Variants in TMEFF2 observed in about 807,000 individuals in gnomAD.
TMEFF2 encodes the protein transmembrane protein with EGF like and two follistatin like domains 2.
Under a neutral mutation model 53.8 loss-of-function variants are expected in TMEFF2, and 28 were observed. The observed-to-expected ratio is 0.52, with a 90% CI of 0.39 to 0.71. The LOEUF (loss-of-function observed/expected upper bound fraction) is 0.71. Among genes scored for constraint, TMEFF2 ranks in the 30% least tolerant of loss-of-function variants. The pLI is 0.00. For missense variants in TMEFF2, 353 were observed against 455.2 expected (o/e 0.78, Z 2.04); for synonymous variants, 162 against 166.3 (o/e 0.97, Z 0.20).
intron 5 of TMEFF2, among the ~76,000 whole-genome samples, chr2:192,011,578 G>GT (rs1463428994): frequency 6.6e-6 from 1 of 152,218 alleles, no homozygotes; most frequent in African/African-American, 2.4e-5. Context: ...TTCAATAATA[G>GT]TAAGTGGATG....
At chr2:192,146,661 G>A (rs1690256949) in intron 4 of TMEFF2, among the ~76,000 whole-genome samples, 1 of 152,000 alleles carries the variant, frequency 6.6e-6, no homozygotes, top group Non-Finnish European at 1.5e-5. Context: ...GTATGTGTGT[G>A]TGTGTAAGTT....
intron 4 of TMEFF2, among the ~76,000 whole-genome samples, chr2:192,116,554 G>T (rs1574386885): frequency 6.6e-6 from 1 of 151,974 alleles, no homozygotes; most frequent in African/African-American, 2.4e-5. Flanking sequence ...AGTATATTTT[G>T]CTAAAAGAAT....
At chr2:192,035,619 T>C (rs1687271273) in intron 5 of TMEFF2, among the ~76,000 whole-genome samples, 1 of 152,212 alleles carries the variant, frequency 6.6e-6, no homozygotes, top group South Asian at 2.1e-4. Context: ...AAATATTTTC[T>C]GTCATTACAC....
chr2:192,170,262 T>C (rs1380258574), intron 4 of TMEFF2, among the ~76,000 whole-genome samples: 1 of 152,046 alleles, frequency 6.6e-6, no homozygotes, highest in African/African-American at 2.4e-5. Flanking sequence ...TAAATCAGTG[T>C]GTCAGAAATT....
intron 5 of TMEFF2, among the ~76,000 whole-genome samples, chr2:192,024,489 C>A (rs533434077): frequency 6.6e-6 from 1 of 152,178 alleles, no homozygotes; most frequent in East Asian, 1.9e-4. Flanking sequence ...ACTGGTAGTT[C>A]CTGAATGAAT....
chr2:192,001,018 C>T (rs1433110183), intron 5 of TMEFF2, among the ~76,000 whole-genome samples: 1 of 152,304 alleles, frequency 6.6e-6, no homozygotes, highest in East Asian at 1.9e-4. Context: ...CAAAGAGCTT[C>T]TGGTTCTTAT....
At chr2:192,179,360 T>TG in intron 4 of TMEFF2, 1 of 307,430 alleles carries the variant, frequency 3.3e-6, no homozygotes, top group Non-Finnish European at 6.0e-6. Flanking sequence ...CTGCCAAATA[T>TG]GCTTACATGC....
At chr2:191,975,572 C>T (rs1031489726) in intron 7 of TMEFF2, among the ~76,000 whole-genome samples, 1 of 151,802 alleles carries the variant, frequency 6.6e-6, no homozygotes, top group Non-Finnish European at 1.5e-5. Context: ...CAGGAATGGG[C>T]TAATTGCCTT....
At chr2:192,166,895 T>C (rs567739233) in intron 4 of TMEFF2, among the ~76,000 whole-genome samples, 1 of 152,324 alleles carries the variant, frequency 6.6e-6, no homozygotes, top group African/African-American at 2.4e-5. Flanking sequence ...ATGAATTTTT[T>C]AGAACAGTTT....
intron 5 of TMEFF2, among the ~76,000 whole-genome samples, chr2:192,050,615 G>A (rs1389800894): frequency 6.6e-6 from 1 of 151,688 alleles, no homozygotes; most frequent in Non-Finnish European, 1.5e-5. Flanking sequence ...TTGCAGGTTG[G>A]ATTACCGGCA....
In TMEFF2 at chr2:191,949,221, C is replaced by G. The variant is rs972183424; in HGVS notation, c.*1090G>C. 3 of 985,358 alleles carry G rather than the reference C, an allele frequency of 3.0e-6. No homozygotes were observed. In the African/African-American group the frequency reaches 5.2e-5, roughly 17 times the overall value. The allele number at this position is 985,358 out of a possible 1,614,324, so 61.0% of individuals were successfully genotyped here. Reference sequence around the variant, plus strand: ...TTGTATGCACAAATCAAACAAAAATCCATACCAACTTCCCAGTGAGGTCTT... The same window carrying G: ...TTGTATGCACAAATCAAACAAAAATGCATACCAACTTCCCAGTGAGGTCTT... On this transcript the variant is annotated 3_prime_UTR_variant, in exon 10 of 10. Transcript: ENST00000272771.
chr2:192,176,172 C>T (rs1270644965), intron 4 of TMEFF2, among the ~76,000 whole-genome samples: 1 of 151,342 alleles, frequency 6.6e-6, no homozygotes, highest in Non-Finnish European at 1.5e-5. Context: ...CAATCGTTTT[C>T]TTTCTATCAC....
At chr2:192,164,081 C>T (rs1007810056) in intron 4 of TMEFF2, among the ~76,000 whole-genome samples, 6 of 152,130 alleles carry the variant, frequency 3.9e-5, no homozygotes, top group Non-Finnish European at 5.9e-5. Flanking sequence ...AATTCATTCT[C>T]CACACAGATG....
At chr2:191,971,041 A>G (rs1319001124) in intron 7 of TMEFF2, among the ~76,000 whole-genome samples, 1 of 151,978 alleles carries the variant, frequency 6.6e-6, no homozygotes, top group Non-Finnish European at 1.5e-5. Context: ...TTTTCTTCCC[A>G]GTTTTGAACA....
chr2:192,047,168 G>A (rs1479753458), intron 5 of TMEFF2, among the ~76,000 whole-genome samples: 2 of 152,144 alleles, frequency 1.3e-5, no homozygotes, highest in Non-Finnish European at 2.9e-5. Context: ...CAATCTGCCT[G>A]CCTCAGCTTC....
chr2:191,984,291 C>T (rs1452836485), intron 7 of TMEFF2, among the ~76,000 whole-genome samples: 1 of 151,938 alleles, frequency 6.6e-6, no homozygotes. Context: ...TAAGTTTCTC[C>T]AAATAAATTT....
At chr2:192,079,038 GC>G (rs1023450372) in intron 4 of TMEFF2, among the ~76,000 whole-genome samples, 2 of 152,164 alleles carry the variant, frequency 1.3e-5, no homozygotes, top group African/African-American at 2.4e-5. Context: ...AAAAGAGCTT[GC>G]CATGTAGTTG....
At chr2:192,177,192 A>G (rs1222504093) in intron 4 of TMEFF2, 1 of 151,210 alleles carries the variant, frequency 6.6e-6, no homozygotes, top group Non-Finnish European at 1.5e-5. Context: ...TCAAAAATGA[A>G]GGAAGCTGAT....
chr2:192,186,713 T>A (rs1332027985), intron 2 of TMEFF2, among the ~76,000 whole-genome samples: 7 of 152,142 alleles, frequency 4.6e-5, no homozygotes, highest in Non-Finnish European at 1.0e-4. Context: ...TCCATCTCCA[T>A]CCCTGCTTAT....
Sources: allele counts gnomAD v4.1 joint callset (sites outside exome capture counted in the v4.1 genomes callset), GRCh38; gene constraint gnomAD v4.1.1; transcripts MANE v1.5; gene names NCBI Gene and HGNC (gene_info 2026-07-23, HGNC 2026-07-21).